USP32: variants seen among roughly 807,000 people sequenced by gnomAD.
USP32 encodes the protein ubiquitin carboxyl-terminal hydrolase 32.
Under a neutral mutation model 204.8 loss-of-function variants are expected in USP32, and 59 were observed. That is an observed-to-expected ratio of 0.29 (90% CI 0.23 to 0.36). USP32 has a LOEUF of 0.36. Among genes scored for constraint, USP32 ranks in the 10% least tolerant of loss-of-function variants. The probability of loss-of-function intolerance (pLI) is 1.00; values close to 1 mark genes in which losing one functional copy is unlikely to be tolerated. For missense variants in USP32, 1,160 were observed against 1,946.4 expected (o/e 0.60, Z 7.60); for synonymous variants, 517 against 678.4 (o/e 0.76, Z 3.70).
chr17:60,363,315 C>T (rs1400636813), intron 1 of USP32, among the ~76,000 whole-genome samples: 4 of 151,346 alleles, frequency 2.6e-5, no homozygotes, highest in Admixed American at 1.3e-4. Flanking sequence ...ATTAGCTGGG[C>T]GTAGCGGCGT....
intron 1 of USP32, among the ~76,000 whole-genome samples, chr17:60,356,106 C>G (rs1428061390): frequency 1.3e-5 from 2 of 152,042 alleles, no homozygotes; most frequent in African/African-American, 4.8e-5. Flanking sequence ...TTAAAAAGTT[C>G]CATTCTCAAG....
upstream of USP32, among the ~76,000 whole-genome samples, chr17:60,393,078 C>T (rs2089867636): frequency 6.6e-6 from 1 of 152,162 alleles, no homozygotes; most frequent in Non-Finnish European, 1.5e-5. Context: ...CACCGTTTTT[C>T]ATCTTGCAAA....
At position 60,211,481 on chromosome 17, in the gene USP32, T is replaced by C; in HGVS notation, c.2213A>G (p.Asn738Ser). ...PTEKGATGLS[N>S]LGNTCFMNSS... ...GTTCATGAAGCATGTGTTTCCCAGA[T>C]TGCTTAGACCTGTGGCTCCCTTTTC... is the stretch of plus-strand genomic sequence containing the variant. Residue 738 changes from asparagine to serine, a missense_variant, in exon 20 of 34, where the codon AAT becomes AGT. Coordinates refer to ENST00000300896, the MANE Select transcript of USP32 (RefSeq NM_032582.4). 1 of 1,613,754 alleles carries C rather than the reference T, an allele frequency of 6.2e-7. No homozygotes were observed. Among genetic ancestry groups the C allele is most frequent in the Non-Finnish European group, 8.5e-7 (1 of 1,179,756 alleles).
intron 2 of USP32, among the ~76,000 whole-genome samples, chr17:60,313,469 C>T (rs1161594722): frequency 6.6e-6 from 1 of 151,804 alleles, no homozygotes; most frequent in Non-Finnish European, 1.5e-5. Flanking sequence ...TAGAGTCATG[C>T]TTAGCTCCAA....
chr17:60,366,743 G>T (rs1168096109), intron 1 of USP32, among the ~76,000 whole-genome samples: 1 of 151,552 alleles, frequency 6.6e-6, no homozygotes, highest in Non-Finnish European at 1.5e-5. Flanking sequence ...TCAAAAAAAA[G>T]TTGGTTTTTT....
intron 5 of USP32, among the ~76,000 whole-genome samples, chr17:60,276,429 C>T (rs2086841074): frequency 2.0e-5 from 3 of 151,926 alleles, no homozygotes; most frequent in South Asian, 2.1e-4. Context: ...ATTTATGATG[C>T]TAAAAAGAAA....
chr17:60,306,733 G>A (rs2087734052), intron 2 of USP32, among the ~76,000 whole-genome samples: 1 of 152,116 alleles, frequency 6.6e-6, no homozygotes, highest in Non-Finnish European at 1.5e-5. Context: ...TGGAAAGGAG[G>A]TCGTCAAATT....
rs56343947 is a variant in USP32 at position 60,322,074 on chromosome 17, T to C, written c.187-20370A>G. On this transcript the variant is annotated intron_variant, in intron 2 of 33. Transcript: ENST00000300896. Reference sequence around the variant, plus strand: ...AAAAAGTTAAGTAAAATGTGACAACTAGATACAAAATAGGCCCACTGTTTT... The same window carrying C: ...AAAAAGTTAAGTAAAATGTGACAACCAGATACAAAATAGGCCCACTGTTTT... Among the ~76,000 whole-genome samples, 325 of 152,258 alleles carry C rather than the reference T, an allele frequency of 2.1e-3. 1 individual carries two copies. Among genetic ancestry groups the C allele is most frequent in the African/African-American group, 7.5e-3 (311 of 41,570 alleles).
intron 2 of USP32, among the ~76,000 whole-genome samples, chr17:60,332,994 T>C (rs924099240): frequency 3.3e-5 from 5 of 152,210 alleles, no homozygotes; most frequent in African/African-American, 1.2e-4. Context: ...TCAAGATATT[T>C]CTATTTTGAA....
At chr17:60,388,949 CTGCAAT>C (rs1323435022) in intron 1 of USP32, among the ~76,000 whole-genome samples, 4 of 152,172 alleles carry the variant, frequency 2.6e-5, no homozygotes, top group Non-Finnish European at 4.4e-5. Context: ...GATAAACTGC[CTGCAAT>C]TCCATGTTTG....
chr17:60,186,302 T>C (rs768967863), intron 29 of USP32, among the ~76,000 whole-genome samples: 3 of 152,230 alleles, frequency 2.0e-5, no homozygotes, highest in Non-Finnish European at 4.4e-5. Flanking sequence ...GTGCTGATAG[T>C]AAGCCATTTA....
At chr17:60,402,192 G>T (rs973771504) in intron 1 of USP32, among the ~76,000 whole-genome samples, 7 of 150,802 alleles carry the variant, frequency 4.6e-5, no homozygotes, top group Non-Finnish European at 7.4e-5. Context: ...AAAAGAGAAA[G>T]CCTGGTAGGG....
rs190654047 is a variant in USP32 at position 60,266,543 on chromosome 17, C to T, written c.812-452G>A. Among the ~76,000 whole-genome samples the T allele has an allele frequency of 1.3e-4, 20 of 152,284 alleles. No homozygotes were observed. The East Asian group carries it at 3.9e-3, about 29-fold the overall frequency. On this transcript the variant is annotated intron_variant, in intron 7 of 33. Transcript: ENST00000300896. ...TCGCTCTGTCGCCCAGGCTAGAGTG[C>T]AGTGGCATGATCTCAGTTCACTGCA...
intron 2 of USP32, among the ~76,000 whole-genome samples, chr17:60,326,215 C>T (rs1159715812): frequency 1.3e-5 from 2 of 151,856 alleles, no homozygotes; most frequent in African/African-American, 2.4e-5. Context: ...CCTACTGATA[C>T]ATAGATTCAT....
rs375643658 is a variant in USP32 at position 60,256,104 on chromosome 17, TG to T, written c.991-847del. 6.3e-4 allele frequency among the ~76,000 whole-genome samples: 95 copies of T among 151,948 alleles called. No individual in the cohort carries two copies. In the Middle Eastern group the frequency reaches 0.037, roughly 60 times the overall value. ...CTGTAGTCCCAGCTACTCCAGAGGC[TG>T]AGGCAAGAGGATCGCTTGAGCCCAG... On this transcript the variant is annotated intron_variant, in intron 9 of 33. Coordinates refer to ENST00000300896, the MANE Select transcript of USP32 (RefSeq NM_032582.4).
chr17:60,274,347 C>T (rs564802359), intron 5 of USP32, among the ~76,000 whole-genome samples: 1 of 152,090 alleles, frequency 6.6e-6, no homozygotes, highest in Admixed American at 6.6e-5. Context: ...AATTGGGATC[C>T]CAGAAAGGGA....
intron 2 of USP32, among the ~76,000 whole-genome samples, chr17:60,325,954 C>G (rs1356080691): frequency 2.6e-5 from 3 of 113,256 alleles, no homozygotes; most frequent in Non-Finnish European, 5.1e-5. Context: ...GCCTGGGTGA[C>G]AGAGTAAGAC....
chr17:60,324,981 C>A (rs545804436), intron 2 of USP32, among the ~76,000 whole-genome samples: 6 of 152,064 alleles, frequency 3.9e-5, no homozygotes, highest in African/African-American at 1.4e-4. Flanking sequence ...CCAGTCTGGG[C>A]AACAAGAGCG....
At chr17:60,349,626 A>AT (rs1555618284) in intron 1 of USP32, among the ~76,000 whole-genome samples, 29 of 76,260 alleles carry the variant, frequency 3.8e-4, no homozygotes, top group Middle Eastern at 6.1e-3. Context: ...TATATATATT[A>AT]TATATATATA....
Sources: allele counts gnomAD v4.1 joint callset (sites outside exome capture counted in the v4.1 genomes callset), GRCh38; gene constraint gnomAD v4.1.1; transcripts MANE v1.5; gene names NCBI Gene and HGNC (gene_info 2026-07-23, HGNC 2026-07-21).